The following ERBB4 variants were observed in gnomAD, a reference collection of about 807,000 sequenced individuals.
ERBB4 encodes erb-b2 receptor tyrosine kinase 4.
In ERBB4, 42 loss-of-function variants were observed where a neutral mutation model predicts 158.0. The ratio of observed to expected loss-of-function variants is 0.27; its 90% CI spans 0.21 to 0.34. The LOEUF (loss-of-function observed/expected upper bound fraction) is 0.34, where lower values mean the gene tolerates loss of function less well. Among genes scored for constraint, ERBB4 ranks in the 10% least tolerant of loss-of-function variants. The probability of loss-of-function intolerance (pLI) is 1.00; values close to 1 mark genes in which losing one functional copy is unlikely to be tolerated. For synonymous variants in ERBB4, 583 were observed against 558.7 expected (o/e 1.04, Z -0.61); for missense variants, 1,333 against 1,624.1 (o/e 0.82, Z 3.08).
At chr2:211,785,722 A>AT (rs1434977117) in intron 4 of ERBB4, among the ~76,000 whole-genome samples, 3 of 152,052 alleles carry the variant, frequency 2.0e-5, no homozygotes, top group African/African-American at 7.2e-5. Context: ...TGAAAATGAT[A>AT]TTAGATATTA....
intron 1 of ERBB4, among the ~76,000 whole-genome samples, chr2:212,194,415 A>G (rs1003555850): frequency 1.3e-5 from 2 of 152,012 alleles, no homozygotes; most frequent in African/African-American, 4.8e-5. Flanking sequence ...AATATTTTCT[A>G]TCATTTAAAT....
At chr2:212,163,431 T>C (rs2081260920) in intron 1 of ERBB4, among the ~76,000 whole-genome samples, 1 of 152,046 alleles carries the variant, frequency 6.6e-6, no homozygotes, top group East Asian at 1.9e-4. Flanking sequence ...CCTAGAGCCA[T>C]TTGCTGGTGT....
At chr2:211,442,306 A>T (rs1177495448) in intron 20 of ERBB4, among the ~76,000 whole-genome samples, 1 of 152,088 alleles carries the variant, frequency 6.6e-6, no homozygotes, top group African/African-American at 2.4e-5. Context: ...TTTCCTCCAC[A>T]AGATCTTCCC....
At chr2:212,003,198 A>ACGG (rs2076167179) in intron 2 of ERBB4, among the ~76,000 whole-genome samples, 1 of 58,688 alleles carries the variant, frequency 1.7e-5, no homozygotes, top group African/African-American at 4.4e-5. Context: ...AGAAAGAAAG[A>ACGG]AAGAAAGACA....
At chr2:211,821,441 C>A (rs777621770) in intron 3 of ERBB4, among the ~76,000 whole-genome samples, 3 of 151,872 alleles carry the variant, frequency 2.0e-5, no homozygotes, top group African/African-American at 7.2e-5. Flanking sequence ...AATGACCATA[C>A]TATCTAAAGC....
intron 5 of ERBB4, among the ~76,000 whole-genome samples, chr2:211,745,735 CAAA>C (rs796195650): frequency 3.8e-4 from 53 of 139,690 alleles, no homozygotes; most frequent in African/African-American, 1.3e-3. Context: ...AAAAACAAAA[CAAA>C]AAAAACCCTT....
intron 1 of ERBB4, among the ~76,000 whole-genome samples, chr2:212,343,983 T>G (rs1425315564): frequency 1.3e-5 from 2 of 152,168 alleles, no homozygotes; most frequent in African/African-American, 2.4e-5. Flanking sequence ...TGCTTTATCT[T>G]AAAAGCAAAC....
At chr2:212,487,235 G>C (rs1212746093) in intron 1 of ERBB4, among the ~76,000 whole-genome samples, 1 of 152,034 alleles carries the variant, frequency 6.6e-6, no homozygotes, top group Non-Finnish European at 1.5e-5. Context: ...TCTGTTTAAA[G>C]CTGTAATTCA....
At chr2:211,503,570 C>T (rs1454047482) in intron 20 of ERBB4, among the ~76,000 whole-genome samples, 3 of 152,128 alleles carry the variant, frequency 2.0e-5, no homozygotes, top group African/African-American at 7.2e-5. Context: ...GTTGCAATTT[C>T]TGCTTCAGGG....
intron 19 of ERBB4, among the ~76,000 whole-genome samples, chr2:211,597,916 G>A (rs189418659): frequency 2.6e-5 from 4 of 152,170 alleles, no homozygotes; most frequent in Non-Finnish European, 4.4e-5. Context: ...GTTATTATTT[G>A]ATAAGAGAAT....
intron 3 of ERBB4, among the ~76,000 whole-genome samples, chr2:211,944,206 A>ATATAG (rs1553517919): frequency 0.067 from 6,981 of 103,780 alleles, 516 homozygotes; most frequent in African/African-American, 0.11. Flanking sequence ...TATACTATAT[A>ATATAG]TATATATACA....
At chr2:211,973,127 C>A (rs935763217) in intron 2 of ERBB4, among the ~76,000 whole-genome samples, 9 of 151,820 alleles carry the variant, frequency 5.9e-5, no homozygotes, top group African/African-American at 2.2e-4. Context: ...CATGAACAGA[C>A]ACTTTTCAAA....
chr2:212,377,216 A>AAT (rs1371946449), intron 1 of ERBB4, among the ~76,000 whole-genome samples: 1 of 147,224 alleles, frequency 6.8e-6, no homozygotes, highest in Non-Finnish European at 1.5e-5. Flanking sequence ...TATATATATG[A>AAT]ATATATATAA....
intron 25 of ERBB4, among the ~76,000 whole-genome samples, chr2:211,392,602 C>CCA (rs776660058): frequency 4.5e-4 from 55 of 121,876 alleles, no homozygotes; most frequent in Non-Finnish European, 7.4e-4. Context: ...ACACACACAC[C>CCA]CCAATAATGA....
At chr2:211,937,989 T>A (rs2080375550) in intron 3 of ERBB4, among the ~76,000 whole-genome samples, 1 of 152,152 alleles carries the variant, frequency 6.6e-6, no homozygotes, top group Non-Finnish European at 1.5e-5. Flanking sequence ...TTAAAACATA[T>A]TTAGAAGCAA....
chr2:212,044,725 A>G (rs1160813874), intron 2 of ERBB4, among the ~76,000 whole-genome samples: 1 of 152,112 alleles, frequency 6.6e-6, no homozygotes, highest in Non-Finnish European at 1.5e-5. Flanking sequence ...GGAGGATCTT[A>G]CTCCCATACC....
chr2:212,400,862 A>T (rs2091183525), intron 1 of ERBB4, among the ~76,000 whole-genome samples: 1 of 152,180 alleles, frequency 6.6e-6, no homozygotes, highest in Non-Finnish European at 1.5e-5. Flanking sequence ...GGTCTGGGGC[A>T]ACAATTTTTT....
chr2:211,613,567 C>T (rs551707108), intron 19 of ERBB4, among the ~76,000 whole-genome samples: 35 of 151,852 alleles, frequency 2.3e-4, no homozygotes, highest in African/African-American at 7.2e-4. Flanking sequence ...CAATTCTATA[C>T]GAAAAAAATC....
chr2:211,661,269 T>A (rs2071412474), intron 15 of ERBB4, among the ~76,000 whole-genome samples: 1 of 152,238 alleles, frequency 6.6e-6, no homozygotes, highest in African/African-American at 2.4e-5. Flanking sequence ...TTGTATTTTC[T>A]GTAAGCAACT....
Sources: allele counts gnomAD v4.1 joint callset (sites outside exome capture counted in the v4.1 genomes callset), GRCh38; gene constraint gnomAD v4.1.1; transcripts MANE v1.5; gene names NCBI Gene and HGNC (gene_info 2026-07-23, HGNC 2026-07-21).